The following ZNF185 variants were observed in gnomAD, a reference collection of about 807,000 sequenced individuals.
The protein encoded by ZNF185 is zinc finger protein 185.
ZNF185 carries 56 observed loss-of-function variants against 58.6 expected under a neutral mutation model. The observed-to-expected ratio is 0.95, with a 90% confidence interval of 0.77 to 1.19. ZNF185 has a LOEUF of 1.19. ZNF185 is among the 50% of genes most tolerant of loss of function. The probability of loss-of-function intolerance (pLI) is 0.00; values close to 1 mark genes in which losing one functional copy is unlikely to be tolerated. For missense variants in ZNF185, 627 were observed against 573.5 expected, an observed-to-expected ratio of 1.09 and a Z score of -0.95; for synonymous variants, 230 against 215.9, an observed-to-expected ratio of 1.07 and a Z score of -0.57.
At position 152,928,673 on chromosome X, in the gene ZNF185, C is replaced by T. The variant is rs1941350711; in HGVS notation, c.917+12C>T. On this transcript the variant is annotated intron_variant, in intron 12 of 22. Transcript: ENST00000449285. ...GTGGAAGGCATGAGGTATGGGGGTC[C>T]TGCTGCTGTCCTGGCTCCCTGGACA... 1 of 1,204,385 alleles carries T rather than the reference C, an allele frequency of 8.3e-7. No individual in the cohort carries two copies. The highest frequency in any genetic ancestry group is 2.2e-5 in the Admixed American group (1 of 45,792).
exon 23 of ZNF185, chrX:152,971,529 C>T (rs1394806900): frequency 1.8e-5 from 2 of 112,197 alleles, no homozygotes; most frequent in Non-Finnish European, 3.8e-5. Context: ...ATTTCAGGCT[C>T]AACCAAAGAG....
chrX:152,917,818 G>T, intron 5 of ZNF185: 1 of 1,066,053 alleles, frequency 9.4e-7, no homozygotes, highest in Non-Finnish European at 1.2e-6. Flanking sequence ...AAGGCCAAGG[G>T]GACCCGGAAA....
rs929459584 is a variant in ZNF185, at chrX:152,961,750, C to A, written c.1607+1854C>A. Among the ~76,000 whole-genome samples the A allele has an allele frequency of 3.9e-4, 44 of 112,704 alleles. 1 individual carries two copies. The highest frequency in any genetic ancestry group is 1.1e-3 in the Admixed American group (12 of 10,705). On this transcript the variant is annotated intron_variant, in intron 17 of 22. Coordinates refer to ENST00000449285, the Ensembl canonical transcript of ZNF185. ...GTGCTGAGAATGTGCAGGCACTGTT[C>A]TGCATGCCTTATGTGGACTCACTCA...
At chrX:152,945,518 G>T in intron 16 of ZNF185, 54 bp downstream of exon 18, 14 of 1,126,113 alleles carry the variant, frequency 1.2e-5, no homozygotes, top group Non-Finnish European at 1.7e-5. Context: ...TTTTGTTGAG[G>T]TCTGCGACCC....
At chrX:152,925,336 G>A (rs1243139451) in intron 11 of ZNF185, among the ~76,000 whole-genome samples, 5 of 110,602 alleles carry the variant, frequency 4.5e-5, no homozygotes, top group Non-Finnish European at 9.5e-5. Flanking sequence ...AGAAAGAATG[G>A]AGGAGAATTA....
At chrX:152,928,655 G>A in exon 12 of ZNF185, 1 of 1,211,002 alleles carries the variant, frequency 8.3e-7, no homozygotes. Flanking sequence ...GACGTGGAAG[G>A]CATGAGGTAT....
At chrX:152,933,531 G>T (rs993150943) in intron 14 of ZNF185, among the ~76,000 whole-genome samples, 4 of 112,338 alleles carry the variant, frequency 3.6e-5, no homozygotes, top group Admixed American at 2.8e-4. Context: ...CCTGGAGGGA[G>T]TCAGGGGCCA....
rs782144369 is a variant in ZNF185, at chrX:152,942,860, C to CT, written c.1212-2404dup. On this transcript the variant is annotated intron_variant, in intron 15 of 22. Transcript: ENST00000449285. ...GCTCATACCCACCTGTAATCCTATACTTTGAGAGGCCGAGGCGGGAAGACC... is the reference window on the plus strand; with the variant it reads ...GCTCATACCCACCTGTAATCCTATACTTTTGAGAGGCCGAGGCGGGAAGACC... Among the ~76,000 whole-genome samples the CT allele has an allele frequency of 8.1e-5, 9 of 111,350 alleles. No homozygotes were observed. In the East Asian group the frequency reaches 2.0e-3, roughly 24 times the overall value.
At chrX:152,955,550 C>G (rs868995373) in intron 16 of ZNF185, among the ~76,000 whole-genome samples, 2 of 112,673 alleles carry the variant, frequency 1.8e-5, no homozygotes, top group Non-Finnish European at 3.7e-5. Flanking sequence ...TTGGTTTGGT[C>G]TGTTGGGTCC....
chrX:152,924,294 A>T (rs188646555), intron 11 of ZNF185, among the ~76,000 whole-genome samples: 23,855 of 107,116 alleles, frequency 0.22, 2,037 homozygotes, highest in South Asian at 0.29. Context: ...TTTTTTTTTT[A>T]AATTTTTGTA....
chrX:152,941,974 C>T (rs1006361432), intron 15 of ZNF185: 98 of 834,517 alleles, frequency 1.2e-4, no homozygotes, highest in Middle Eastern at 4.6e-4. Context: ...GGGCCATGGC[C>T]TCTGGGACAC....
At chrX:152,945,606 C>A in intron 16 of ZNF185, 142 bp downstream of exon 18, 1 of 626,698 alleles carries the variant, frequency 1.6e-6, no homozygotes, top group South Asian at 3.2e-5. Flanking sequence ...GTGAGTGGGT[C>A]ATGGTGATTC....
chrX:152,963,124 C>T (rs782067221), intron 17 of ZNF185, among the ~76,000 whole-genome samples: 20 of 113,020 alleles, frequency 1.8e-4, no homozygotes, highest in South Asian at 3.6e-4. Context: ...TGCCCAACAT[C>T]GTGCCCTGAA....
chrX:152,940,944 G>A (rs1556888756), intron 15 of ZNF185, among the ~76,000 whole-genome samples: 1 of 111,848 alleles, frequency 8.9e-6, no homozygotes, highest in Non-Finnish European at 1.9e-5. Context: ...CCAAAGGGAG[G>A]AGAATATATT....
intron 5 of ZNF185, among the ~76,000 whole-genome samples, chrX:152,917,624 C>T (rs782240984): frequency 8.9e-6 from 1 of 112,117 alleles, no homozygotes; most frequent in South Asian, 3.7e-4. Context: ...TGGGGTCAGT[C>T]CTGACTAGGC....
chrX:152,936,310 C>G, intron 14 of ZNF185, 108 bp from the exon 16 acceptor site: 1 of 614,698 alleles, frequency 1.6e-6, no homozygotes, highest in Non-Finnish European at 2.5e-6. Flanking sequence ...ATTTGAGCAG[C>G]TTCTTGGTCC....
At chrX:152,942,859 A>G (rs2047379958) in intron 15 of ZNF185, among the ~76,000 whole-genome samples, 1 of 111,241 alleles carries the variant, frequency 9.0e-6, no homozygotes, top group Non-Finnish European at 1.9e-5. Context: ...GTAATCCTAT[A>G]CTTTGAGAGG....
At chrX:152,924,520 A>G (rs1940451510) in intron 11 of ZNF185, among the ~76,000 whole-genome samples, 1 of 111,804 alleles carries the variant, frequency 8.9e-6, no homozygotes, top group Non-Finnish European at 1.9e-5. Context: ...CCATCTCCAA[A>G]TGCAGTAACA....
intron 15 of ZNF185, among the ~76,000 whole-genome samples, chrX:152,938,889 ACTCAGGCGATCTCCTCTAAAGAGG>A (rs2046752214): frequency 1.2e-5 from 1 of 85,546 alleles, no homozygotes; most frequent in Non-Finnish European, 2.3e-5. Flanking sequence ...GGAAAAGGCA[ACTCAGGCGATCTCCTCTAAAGAGG>A]AGAAGGAGCC....
Sources: gnomAD v4.1 joint callset for allele counts (sites outside exome capture counted in the v4.1 genomes callset) on GRCh38, gnomAD v4.1.1 for gene constraint, MANE v1.5 for transcripts, NCBI Gene and HGNC (gene_info 2026-07-23, HGNC 2026-07-21) for gene names.